PPP5C: variants seen among roughly 807,000 people sequenced by gnomAD.
PPP5C encodes the protein protein phosphatase 5 catalytic subunit.
A neutral mutation model predicts 66.7 loss-of-function variants in PPP5C; 21 were observed. The ratio of observed to expected loss-of-function variants is 0.31; its 90% confidence interval spans 0.22 to 0.45. PPP5C has a LOEUF of 0.45. Among genes scored for constraint, PPP5C ranks in the 20% least tolerant of loss-of-function variants. PPP5C has a pLI of 1.00. For synonymous variants in PPP5C, 246 were observed against 257.4 expected (o/e 0.96, Z 0.43); for missense variants, 464 against 675.9 (o/e 0.69, Z 3.48).
intron 1 of PPP5C, among the ~76,000 whole-genome samples, chr19:46,350,768 C>T (rs1236777423): frequency 1.3e-5 from 2 of 152,006 alleles, no homozygotes; most frequent in African/African-American, 2.4e-5. Context: ...AACCACTCGC[C>T]CAAGGTCAGA....
intron 2 of PPP5C, among the ~76,000 whole-genome samples, chr19:46,361,128 AAT>A (rs1568567199): frequency 7.5e-6 from 1 of 133,416 alleles, no homozygotes; most frequent in Non-Finnish European, 1.6e-5. Context: ...AGTGAAAGAA[AAT>A]TTTTTTTTTT....
At chr19:46,361,851 G>C (rs543910816) in intron 2 of PPP5C, among the ~76,000 whole-genome samples, 32 of 151,674 alleles carry the variant, frequency 2.1e-4, no homozygotes, top group African/African-American at 7.5e-4. Flanking sequence ...TTATGGTAAA[G>C]CTAATTTTAA....
Position 46,383,983 on chromosome 19 carries a change from G to A in PPP5C, c.798+105G>A. The A allele has an allele frequency of 1.0e-6, 1 of 960,274 alleles. No individual in the cohort carries two copies. The highest frequency in any genetic ancestry group is 1.6e-6 in the Non-Finnish European group (1 of 618,036). The allele number at this position is 960,274 out of a possible 1,614,324, so 59.5% of individuals were successfully genotyped here. On this transcript the variant is annotated intron_variant, in intron 6 of 12. Coordinates refer to ENST00000012443, the MANE Select transcript of PPP5C (RefSeq NM_006247.4). The surrounding 1 kb of genome is among the most constrained non-coding windows in gnomAD (Gnocchi z 5.0). ...CCTTGCCAGGAAAAGACGTGACCTT[G>A]GAAAGGAGAGGCCTGGCCATGCTGG...
chr19:46,356,296 A>AT (rs1317019988), intron 2 of PPP5C, among the ~76,000 whole-genome samples: 5 of 152,324 alleles, frequency 3.3e-5, no homozygotes. Flanking sequence ...GGCCATCCAT[A>AT]TGCCTGCAGG....
rs534376719 is a variant in PPP5C, at chr19:46,362,040, C to T, written c.363+8051C>T. Among the ~76,000 whole-genome samples the T allele has an allele frequency of 7.9e-5, 12 of 152,168 alleles. No individual in the cohort carries two copies. In the South Asian group the frequency reaches 2.5e-3, roughly 32 times the overall value. On this transcript the variant is annotated intron_variant, in intron 2 of 12. Transcript: ENST00000012443. ...TTCCTTCAATTTAATACAACCTTTA[C>T]CTCTAAACTAAGTAAAATTGCTTTT...
Position 46,363,834 on chromosome 19 carries a change from A to G in PPP5C, c.363+9845A>G, listed in dbSNP as rs73940692. 8.0e-3 allele frequency among the ~76,000 whole-genome samples: 1,219 copies of G among 152,356 alleles called. 21 individuals carry two copies. Among genetic ancestry groups the G allele is most frequent in the African/African-American group, 0.027 (1,122 of 41,578 alleles). ...CATAACATATATGTAGACACAACATATAGCACACATGTACACATGTATGTA... is the reference window on the plus strand; with the variant it reads ...CATAACATATATGTAGACACAACATGTAGCACACATGTACACATGTATGTA... On this transcript the variant is annotated intron_variant, in intron 2 of 12. Transcript: ENST00000012443.
intron 2 of PPP5C, among the ~76,000 whole-genome samples, chr19:46,359,777 C>CTTTTTTT (rs35982365): frequency 8.2e-6 from 1 of 121,766 alleles, no homozygotes; most frequent in African/African-American, 3.2e-5. Context: ...TCGGATTAGA[C>CTTTTTTT]TTTTTTTTTT....
intron 2 of PPP5C, among the ~76,000 whole-genome samples, chr19:46,359,768 C>T (rs1463745905): frequency 8.3e-5 from 12 of 143,714 alleles, no homozygotes; most frequent in African/African-American, 2.6e-4. Context: ...TGAGGAATTT[C>T]GGATTAGACT....
chr19:46,387,580 TCA>T lies in PPP5C; in HGVS notation c.1135+128_1135+129del, dbSNP rs1239868902. On this transcript the variant is annotated intron_variant, in intron 9 of 12. Transcript: ENST00000012443. ...TGGCAAGAAACAGCGGGTCTGAGCC[TCA>T]GTTTCCTCACCTGCGACTTGGGCCA... 3.2e-6 allele frequency: 5 copies of T among 1,561,584 alleles called. No individual in the cohort carries two copies. The South Asian group carries it at 4.7e-5, about 15-fold the overall frequency.
At position 46,390,658 on chromosome 19, in the gene PPP5C, T is replaced by C; in HGVS notation, c.*312T>C. The stretch of plus-strand genomic sequence containing the variant: ...GAGTGGCTGCCCTGCCCCCCTCATT[T>C]GCATGGCTCCTCCCCCACTCAAGCA... On this transcript the variant is annotated 3_prime_UTR_variant, in exon 13 of 13. Coordinates refer to ENST00000012443, the MANE Select transcript of PPP5C (RefSeq NM_006247.4). The C allele has an allele frequency of 1.6e-6, 2 of 1,257,798 alleles. No individual in the cohort carries two copies. The highest frequency in any genetic ancestry group is 6.8e-5 in the Admixed American group (2 of 29,416). 77.9% of individuals were successfully genotyped at this position (1,257,798 alleles called of 1,614,324 possible).
chr19:46,374,556 G>C (rs1373762928), intron 2 of PPP5C, among the ~76,000 whole-genome samples: 1 of 152,222 alleles, frequency 6.6e-6, no homozygotes. Flanking sequence ...TTTCAGGTTA[G>C]AAGATCAGAG....
chr19:46,359,247 C>T (rs1172327833), intron 2 of PPP5C, among the ~76,000 whole-genome samples: 1 of 152,054 alleles, frequency 6.6e-6, no homozygotes, highest in African/African-American at 2.4e-5. Flanking sequence ...AATCAAGTCA[C>T]TGATTTATAC....
At position 46,384,593 on chromosome 19, in the gene PPP5C, C is replaced by T. The variant is rs567184164; in HGVS notation, c.799-211C>T. On this transcript the variant is annotated intron_variant, in intron 6 of 12. Coordinates refer to ENST00000012443, the MANE Select transcript of PPP5C (RefSeq NM_006247.4). ...TCAGTGCCATACTACTGAGGCTCAG[C>T]GGCCAAGCTCTGGCTGGAGCCACGG... 1.8e-3 allele frequency: 922 copies of T among 515,086 alleles called. 2 individuals are homozygous for T. The highest frequency in any genetic ancestry group is 2.9e-3 in the Non-Finnish European group (816 of 282,178). 31.9% of individuals were successfully genotyped at this position (515,086 alleles called of 1,614,324 possible).
chr19:46,381,544 C>G (rs1031836134), intron 4 of PPP5C: 1 of 152,100 alleles, frequency 6.6e-6, no homozygotes, highest in Non-Finnish European at 1.5e-5. Flanking sequence ...CCCAGTAGTT[C>G]AAGACCAGCC....
intron 1 of PPP5C, among the ~76,000 whole-genome samples, chr19:46,353,205 A>C (rs1213566612): frequency 3.3e-5 from 5 of 152,208 alleles, no homozygotes; most frequent in Non-Finnish European, 7.3e-5. Flanking sequence ...ACAGGTCACG[A>C]GGTAAAGTGC....
intron 4 of PPP5C, among the ~76,000 whole-genome samples, chr19:46,378,769 A>T (rs79596946): frequency 6.6e-6 from 1 of 152,186 alleles, no homozygotes; most frequent in Non-Finnish European, 1.5e-5. Context: ...TAATATTTGC[A>T]TGCTATAACT....
At chr19:46,351,410 A>G (rs1266097719) in intron 1 of PPP5C, among the ~76,000 whole-genome samples, 3 of 152,134 alleles carry the variant, frequency 2.0e-5, no homozygotes, top group Non-Finnish European at 4.4e-5. Flanking sequence ...TTAGTCATTC[A>G]CGCATTCACT....
In PPP5C at chr19:46,388,304, G is replaced by T. The variant is rs1056936859; in HGVS notation, c.1136-104G>T. Reference sequence around the variant, plus strand: ...TGTCCCCTGCCCAACACCCACCCAGGCTGGGCTGTGGGGTCAGCACCTGGC... The same window carrying T: ...TGTCCCCTGCCCAACACCCACCCAGTCTGGGCTGTGGGGTCAGCACCTGGC... On this transcript the variant is annotated intron_variant, in intron 9 of 12. Coordinates refer to ENST00000012443, the MANE Select transcript of PPP5C (RefSeq NM_006247.4). The surrounding 1 kb of genome is among the most constrained non-coding windows in gnomAD (Gnocchi z 4.9). 32 of 1,272,522 alleles carry T rather than the reference G, an allele frequency of 2.5e-5. No individual in the cohort carries two copies. Among genetic ancestry groups the T allele is most frequent in the Non-Finnish European group, 3.4e-5 (32 of 930,018 alleles). 78.8% of individuals were successfully genotyped at this position (1,272,522 alleles called of 1,614,324 possible). A position where few individuals can be genotyped will look rare whatever the true frequency, so the allele number is the denominator to read the frequency against.
intron 11 of PPP5C, among the ~76,000 whole-genome samples, chr19:46,389,365 AC>A (rs1568579806): frequency 0.21 from 354 of 1,714 alleles, 17 homozygotes; most frequent in Middle Eastern, 0.5. Flanking sequence ...ATCTCAAAAC[AC>A]ACACACACAC....
Sources: allele counts gnomAD v4.1 joint callset (sites outside exome capture counted in the v4.1 genomes callset), GRCh38; gene constraint gnomAD v4.1.1; non-coding constraint Gnocchi (gnomAD v3.1); transcripts MANE v1.5; gene names NCBI Gene and HGNC (gene_info 2026-07-23, HGNC 2026-07-21).